Variants in PTPRD observed in about 807,000 individuals in gnomAD.
PTPRD encodes receptor-type tyrosine-protein phosphatase delta.
A neutral mutation model predicts 214.5 loss-of-function variants in PTPRD; 34 were observed. The ratio of observed to expected loss-of-function variants is 0.16; its 90% CI spans 0.12 to 0.21. PTPRD has a LOEUF of 0.21. PTPRD is among the 10% of genes least tolerant of loss of function. PTPRD has a pLI of 1.00. For synonymous variants in PTPRD, 1,128 were observed against 845.7 expected, an observed-to-expected ratio of 1.33 and a Z score of -5.79; for missense variants, 2,545 against 2,398.7, an observed-to-expected ratio of 1.06 and a Z score of -1.27.
chr9:10,523,543 G>A (rs145387735), intron 2 of PTPRD, among the ~76,000 whole-genome samples: 1 of 140,294 alleles, frequency 7.1e-6, no homozygotes, highest in Non-Finnish European at 1.5e-5. Context: ...AGGTAGAACT[G>A]TAAGAAAAAA....
At chr9:10,050,603 T>TTAAAAACTAAC (rs2097518012) in intron 3 of PTPRD, among the ~76,000 whole-genome samples, 1 of 122,724 alleles carries the variant, frequency 8.1e-6, no homozygotes, top group Admixed American at 8.0e-5. Context: ...CTATGTCAAT[T>TTAAAAACTAAC]TAAAAACTAA....
intron 8 of PTPRD, among the ~76,000 whole-genome samples, chr9:9,507,306 T>A (rs1050226662): frequency 3.3e-5 from 5 of 151,260 alleles, no homozygotes; most frequent in African/African-American, 1.2e-4. Flanking sequence ...GGATTAAATT[T>A]GTTATATATT....
chr9:9,146,894 C>G (rs867970141), intron 10 of PTPRD, among the ~76,000 whole-genome samples: 1 of 152,078 alleles, frequency 6.6e-6, no homozygotes, highest in Non-Finnish European at 1.5e-5. Context: ...TTTAGAACAA[C>G]AATAACTAAA....
intron 10 of PTPRD, among the ~76,000 whole-genome samples, chr9:9,096,141 T>TAG (rs1267155301): frequency 6.6e-6 from 1 of 152,206 alleles, no homozygotes; most frequent in Non-Finnish European, 1.5e-5. Context: ...TGACCAAGTC[T>TAG]AGAGATTTCA....
chr9:10,205,173 T>C (rs946637107), intron 3 of PTPRD, among the ~76,000 whole-genome samples: 14 of 152,056 alleles, frequency 9.2e-5, no homozygotes, highest in African/African-American at 3.4e-4. Flanking sequence ...AATATGTTAG[T>C]ATTGAATTTT....
intron 10 of PTPRD, among the ~76,000 whole-genome samples, chr9:9,080,605 G>A (rs1269322281): frequency 2.0e-5 from 3 of 152,030 alleles, no homozygotes; most frequent in Non-Finnish European, 4.4e-5. Context: ...CCTGCAGTCT[G>A]ACTCCAGAGC....
At chr9:9,477,527 C>G (rs2095148122) in intron 8 of PTPRD, among the ~76,000 whole-genome samples, 2 of 152,184 alleles carry the variant, frequency 1.3e-5, no homozygotes, top group Non-Finnish European at 2.9e-5. Context: ...CATTTCCACA[C>G]ATTATTTATT....
chr9:8,605,671 A>T (rs1296780849), intron 14 of PTPRD, among the ~76,000 whole-genome samples: 1 of 152,204 alleles, frequency 6.6e-6, no homozygotes, highest in African/African-American at 2.4e-5. Flanking sequence ...AATGTACCTA[A>T]ATCACCTGGC....
At chr9:10,362,166 TCAA>T (rs2097404955) in intron 2 of PTPRD, among the ~76,000 whole-genome samples, 1 of 152,072 alleles carries the variant, frequency 6.6e-6, no homozygotes, top group Admixed American at 6.5e-5. Flanking sequence ...AGCTAATCGC[TCAA>T]CAATCATACT....
At chr9:9,269,334 A>C (rs985807487) in intron 9 of PTPRD, among the ~76,000 whole-genome samples, 4 of 151,396 alleles carry the variant, frequency 2.6e-5, no homozygotes, top group African/African-American at 9.7e-5. Flanking sequence ...TAGGATGGCC[A>C]TTAGCAAAAA....
At chr9:10,313,222 T>C (rs1354175800) in intron 3 of PTPRD, among the ~76,000 whole-genome samples, 2 of 151,862 alleles carry the variant, frequency 1.3e-5, no homozygotes, top group African/African-American at 4.8e-5. Flanking sequence ...ATCCCGATAA[T>C]TCCTGATAAT....
chr9:9,978,953 A>T (rs1383910594), intron 4 of PTPRD, among the ~76,000 whole-genome samples: 1 of 152,118 alleles, frequency 6.6e-6, no homozygotes, highest in Non-Finnish European at 1.5e-5. Flanking sequence ...TTCTTATCAG[A>T]AATCATACAA....
chr9:8,760,031 C>T (rs547937929), intron 11 of PTPRD, among the ~76,000 whole-genome samples: 42 of 152,276 alleles, frequency 2.8e-4, no homozygotes, highest in African/African-American at 9.6e-4. Context: ...ATGTGGGACT[C>T]AGTGGTGCTT....
intron 10 of PTPRD, among the ~76,000 whole-genome samples, chr9:9,077,383 G>C (rs1265558470): frequency 6.6e-6 from 1 of 151,922 alleles, no homozygotes; most frequent in African/African-American, 2.4e-5. Context: ...GACTGAAAAT[G>C]TTATTATCTT....
chr9:9,673,133 C>T (rs1284427062), intron 7 of PTPRD, among the ~76,000 whole-genome samples: 1 of 151,920 alleles, frequency 6.6e-6, no homozygotes, highest in African/African-American at 2.4e-5. Context: ...GGGAATTGTG[C>T]AATATTACCC....
chr9:9,892,144 A>T (rs765291338), intron 5 of PTPRD, among the ~76,000 whole-genome samples: 1 of 152,122 alleles, frequency 6.6e-6, no homozygotes, highest in Non-Finnish European at 1.5e-5. Context: ...AAAAAGTACA[A>T]TTTATTTTAG....
intron 3 of PTPRD, among the ~76,000 whole-genome samples, chr9:10,292,426 C>T (rs963527159): frequency 3.3e-5 from 5 of 151,964 alleles, no homozygotes; most frequent in African/African-American, 1.2e-4. Flanking sequence ...TCAAAACCTT[C>T]CAATACCTTC....
chr9:9,277,619 A>T (rs1013744150), intron 9 of PTPRD, among the ~76,000 whole-genome samples: 3 of 151,348 alleles, frequency 2.0e-5, no homozygotes, highest in African/African-American at 4.8e-5. Flanking sequence ...TCTCAAAATA[A>T]AACTATACCT....
In PTPRD at chr9:8,588,860, G is replaced by C. The variant is rs992186399; in HGVS notation, c.352+44457C>G. 1.3e-5 allele frequency among the ~76,000 whole-genome samples: 2 copies of C among 152,114 alleles called. 1 individual carries two copies. Among genetic ancestry groups the C allele is most frequent in the Middle Eastern group, 6.8e-3 (2 of 294 alleles). ...TTAGGCAACTTCCCTGTTTCAAAAG[G>C]ATAATCTGGATAATTGTTAAAATAG... is the stretch of plus-strand genomic sequence containing the variant. On this transcript the variant is annotated intron_variant, in intron 14 of 45. Coordinates refer to ENST00000381196, the MANE Select transcript of PTPRD (RefSeq NM_002839.4).
Sources: allele counts gnomAD v4.1 joint callset (sites outside exome capture counted in the v4.1 genomes callset), GRCh38; gene constraint gnomAD v4.1.1; transcripts MANE v1.5; gene names NCBI Gene and HGNC (gene_info 2026-07-23, HGNC 2026-07-21).